Variants in PUM2 observed in about 807,000 individuals in gnomAD.
PUM2 encodes the protein pumilio RNA binding family member 2.
PUM2 carries 57 observed loss-of-function variants against 124.5 expected under a neutral mutation model. The observed-to-expected ratio is 0.46, with a 90% CI of 0.37 to 0.57. PUM2 has a LOEUF of 0.57. Ranked by LOEUF, PUM2 falls within the 20% of genes least tolerant of loss-of-function variation. The pLI is 0.00. For synonymous variants in PUM2, 460 were observed against 446.1 expected, an observed-to-expected ratio of 1.03 and a Z score of -0.39; for missense variants, 1,065 against 1,290.6, an observed-to-expected ratio of 0.83 and a Z score of 2.68.
Position 20,257,043 on chromosome 2 carries a change from C to CAAA in PUM2, c.2485-876_2485-874dup, listed in dbSNP as rs58072146. ...TGGGCGACACAGCAAGATTCCGTCT[C>CAAA]AAAAAAAAAAAAAAAAAAAAAAAAA... is the stretch of plus-strand genomic sequence containing the variant. On this transcript the variant is annotated intron_variant, in intron 16 of 20. Coordinates refer to ENST00000361078, the MANE Select transcript of PUM2 (RefSeq NM_015317.5). Among the ~76,000 whole-genome samples the CAAA allele has an allele frequency of 3.8e-3, 274 of 71,790 alleles. 12 individuals are homozygous for CAAA. The highest frequency in any genetic ancestry group is 4.0e-3 in the Non-Finnish European group (162 of 40,476). The allele number at this position is 71,790 out of a possible 152,430, so 47.1% of individuals were successfully genotyped here. A position where few individuals can be genotyped will look rare whatever the true frequency, so the allele number is the denominator to read the frequency against.
At position 20,251,595 on chromosome 2, in the gene PUM2, C is replaced by G. The variant is rs1375571546; in HGVS notation, c.3185G>C (p.Gly1062Ala). ...DLGPIGGPPN[G>A]ML Reference sequence around the variant, plus strand: ...TCTTGCTCCTGTAATTTACAGCATTCCATTTGGTGGTCCTCCAATAGGTCC... The same window carrying G: ...TCTTGCTCCTGTAATTTACAGCATTGCATTTGGTGGTCCTCCAATAGGTCC... The change falls in exon 21 of 21, where the codon GGA becomes GCA. Residue 1062 changes from glycine to alanine, a missense_variant. Physicochemically the swap from Gly to Ala is moderately conservative, Grantham distance 60. This residue lies in a region of PUM2 where 968 missense variants were observed against 1,159.8 expected (regional missense o/e 0.83). Coordinates refer to ENST00000361078, the MANE Select transcript of PUM2 (RefSeq NM_015317.5). 6.2e-7 allele frequency: 1 copy of G among 1,612,016 alleles called. No individual in the cohort carries two copies. Among genetic ancestry groups the G allele is most frequent in the Non-Finnish European group, 8.5e-7 (1 of 1,179,174 alleles).
intron 10 of PUM2, among the ~76,000 whole-genome samples, chr2:20,286,494 C>T (rs141923874): frequency 3.3e-5 from 5 of 152,268 alleles, no homozygotes; most frequent in Non-Finnish European, 7.4e-5. Flanking sequence ...TTCCTAATAG[C>T]TAATGATTAC....
At chr2:20,273,893 G>A (rs1287064880) in intron 13 of PUM2, among the ~76,000 whole-genome samples, 1 of 152,106 alleles carries the variant, frequency 6.6e-6, no homozygotes, top group Admixed American at 6.5e-5. Context: ...TAAAAAGCTG[G>A]TAATCCTATA....
chr2:20,351,704 T>C (rs1234010265), upstream of PUM2, among the ~76,000 whole-genome samples: 3 of 152,154 alleles, frequency 2.0e-5, no homozygotes, highest in Non-Finnish European at 4.4e-5. Context: ...CGTGTCCGAT[T>C]TGTTCTTGAT....
At chr2:20,254,063 G>T in intron 19 of PUM2, 49 bp from the exon 20 acceptor site, 3 of 1,504,986 alleles carry the variant, frequency 2.0e-6, no homozygotes, top group Non-Finnish European at 2.7e-6. Context: ...TTTCTTCACA[G>T]CAAAATTTCC....
At chr2:20,276,731 T>C (rs1007600188) in intron 13 of PUM2, among the ~76,000 whole-genome samples, 2 of 152,090 alleles carry the variant, frequency 1.3e-5, no homozygotes, top group African/African-American at 4.8e-5. Flanking sequence ...CAGTCTGGCA[T>C]GGGTCTATTT....
intron 3 of PUM2, among the ~76,000 whole-genome samples, chr2:20,315,060 C>CTTT (rs11327686): frequency 1.0e-4 from 13 of 124,914 alleles, no homozygotes; most frequent in South Asian, 2.6e-4. Context: ...AAGTGTGCTT[C>CTTT]TTTTTTTTTT....
intron 14 of PUM2, among the ~76,000 whole-genome samples, chr2:20,262,087 C>T (rs995226546): frequency 1.2e-4 from 19 of 152,092 alleles, no homozygotes; most frequent in African/African-American, 4.6e-4. Context: ...AGAGTAAGAC[C>T]CTGTCTCAAA....
chr2:20,295,546 T>C (rs1309441955), intron 8 of PUM2, among the ~76,000 whole-genome samples: 1 of 151,552 alleles, frequency 6.6e-6, no homozygotes, highest in Non-Finnish European at 1.5e-5. Flanking sequence ...AAAGGGTACA[T>C]TGTAAAAATA....
At chr2:20,318,849 T>C (rs1186711841) in intron 2 of PUM2, among the ~76,000 whole-genome samples, 1 of 152,188 alleles carries the variant, frequency 6.6e-6, no homozygotes, top group African/African-American at 2.4e-5. Flanking sequence ...ATTCTAGACC[T>C]TAAACAAAAA....
At chr2:20,251,791 C>G in intron 20 of PUM2, 75 bp from the exon 21 acceptor site, 6 of 1,534,400 alleles carry the variant, frequency 3.9e-6, no homozygotes, top group Non-Finnish European at 5.3e-6. Context: ...ACCCCCAATT[C>G]TGGGTAATTT....
intron 2 of PUM2, among the ~76,000 whole-genome samples, chr2:20,325,773 C>T (rs375098793): frequency 6.6e-6 from 1 of 152,220 alleles, no homozygotes; most frequent in African/African-American, 2.4e-5. Context: ...AGGCGCCTGC[C>T]GCCACGCCCG....
rs749190948 is a variant in PUM2, at chr2:20,278,637, G to A, written c.1903C>T (p.Leu635Phe). Residue 635 changes from leucine (L) to phenylalanine (F), a missense_variant, in exon 13 of 21, where the codon CTT (leucine) becomes TTT (phenylalanine). Physicochemically the swap from Leu to Phe is conservative, Grantham distance 22. Coordinates refer to ENST00000361078, the MANE Select transcript of PUM2 (RefSeq NM_015317.5). ...PLPSQTPGHS[L>F]TPPPSLSSHG... ...GATGAAAGTGATGGCGGTGGCGTAA[G>A]TGAATGTCCTGGAGTTTGGCTTGGC... 3.3e-5 allele frequency: 53 copies of A among 1,613,362 alleles called. No homozygotes were observed. Among genetic ancestry groups the A allele is most frequent in the Non-Finnish European group, 4.3e-5 (51 of 1,179,668 alleles).
intron 1 of PUM2, among the ~76,000 whole-genome samples, chr2:20,347,702 A>G (rs1688516205): frequency 6.6e-6 from 1 of 152,214 alleles, no homozygotes; most frequent in South Asian, 2.1e-4. Context: ...GTTAATCCAA[A>G]GATTTCCTTT....
At chr2:20,272,112 G>A (rs563285842) in intron 13 of PUM2, among the ~76,000 whole-genome samples, 76 of 151,910 alleles carry the variant, frequency 5.0e-4, no homozygotes, top group African/African-American at 1.6e-3. Context: ...AGCTGAAATC[G>A]CACCATTGCA....
At chr2:20,288,840 A>G (rs1261214448) in intron 10 of PUM2, among the ~76,000 whole-genome samples, 4 of 152,222 alleles carry the variant, frequency 2.6e-5, no homozygotes, top group Admixed American at 2.6e-4. Context: ...GGCATCAAAG[A>G]AAGTTTTAGT....
intron 2 of PUM2, among the ~76,000 whole-genome samples, 150 bp downstream of exon 2, chr2:20,327,155 CAACAG>C (rs1683879903): frequency 6.7e-6 from 1 of 150,036 alleles, no homozygotes. Flanking sequence ...CTAAAAATCA[CAACAG>C]AATTGTACAA....
upstream of PUM2, chr2:20,350,953 C>G (rs1372746494): frequency 1.3e-5 from 3 of 224,210 alleles, no homozygotes; most frequent in Non-Finnish European, 2.2e-5. Context: ...CCCGCGCTGC[C>G]GCCGCGCGGG....
In PUM2 at chr2:20,256,185, A is replaced by G. The variant is rs750031035; in HGVS notation, c.2485-15T>C. ...ACCATTTCACTCTGCAAAAGACAGG[A>G]TGTCATTTAAATTATTACCTCAAAC... On this transcript the variant is annotated splice_polypyrimidine_tract_variant and intron_variant, in intron 16 of 20. Coordinates refer to ENST00000361078, the MANE Select transcript of PUM2 (RefSeq NM_015317.5). The G allele has an allele frequency of 6.4e-7, 1 of 1,571,586 alleles. No homozygotes were observed. Among genetic ancestry groups the G allele is most frequent in the South Asian group, 1.2e-5 (1 of 81,612 alleles).
Sources: allele counts gnomAD v4.1 joint callset (sites outside exome capture counted in the v4.1 genomes callset), GRCh38; gene constraint gnomAD v4.1.1; regional missense constraint gnomAD v4.1.1; transcripts MANE v1.5; gene names NCBI Gene and HGNC (gene_info 2026-07-23, HGNC 2026-07-21).